Variants in RP1 observed in about 807,000 individuals in gnomAD.
The protein encoded by RP1 is oxygen-regulated protein 1.
In RP1, 16 loss-of-function variants were observed where a neutral mutation model predicts 14.8. The ratio of observed to expected loss-of-function variants is 1.08; its 90% CI spans 0.73 to 1.65. RP1 has a LOEUF of 1.65. Ranked by LOEUF, RP1 falls within the 40% of genes most tolerant of loss-of-function variation. The pLI, the probability that RP1 is intolerant of heterozygous loss-of-function variation, is 0.00. For synonymous variants in RP1, 876 were observed against 883.6 expected, an observed-to-expected ratio of 0.99 and a Z score of 0.15; for missense variants, 2,631 against 2,535.0, an observed-to-expected ratio of 1.04 and a Z score of -0.81.
At chr8:54,717,511 G>T (rs958248002) in intron 15 of RP1, among the ~76,000 whole-genome samples, 1 of 152,078 alleles carries the variant, frequency 6.6e-6, no homozygotes, top group South Asian at 2.1e-4. Flanking sequence ...TAGATCATGT[G>T]GATTACTGAA....
chr8:54,812,811 C>CTATCTA (rs1563383947), intron 24 of RP1, among the ~76,000 whole-genome samples: 27 of 113,432 alleles, frequency 2.4e-4, no homozygotes, highest in African/African-American at 7.8e-4. Flanking sequence ...CTATCTATCT[C>CTATCTA]TCCGTCTTCT....
intron 8 of RP1, among the ~76,000 whole-genome samples, chr8:54,675,079 T>C (rs907728694): frequency 6.6e-6 from 1 of 152,148 alleles, no homozygotes; most frequent in Non-Finnish European, 1.5e-5. Context: ...AAGGCAATAA[T>C]TTTCAACCTA....
chr8:54,744,161 T>C (rs1251780776), intron 19 of RP1, among the ~76,000 whole-genome samples: 2 of 152,194 alleles, frequency 1.3e-5, no homozygotes, highest in Admixed American at 6.5e-5. Flanking sequence ...GTTTGAGGCA[T>C]TTGGGGTTTG....
At chr8:54,790,833 G>C (rs150057704) in intron 24 of RP1, among the ~76,000 whole-genome samples, 6 of 152,066 alleles carry the variant, frequency 3.9e-5, no homozygotes, top group African/African-American at 1.4e-4. Context: ...TTTAAAAAGC[G>C]AAGAAAGGTT....
At chr8:54,755,650 G>A (rs1468308267) in exon 21 of RP1, 7 of 1,536,008 alleles carry the variant, frequency 4.6e-6, no homozygotes, top group Non-Finnish European at 5.2e-6. Flanking sequence ...TCTACACTGG[G>A]CAGCTGAAGC....
At chr8:54,820,300 T>G (rs1485035728) in intron 24 of RP1, among the ~76,000 whole-genome samples, 1 of 152,152 alleles carries the variant, frequency 6.6e-6, no homozygotes, top group African/African-American at 2.4e-5. Context: ...TGTGTTGCAC[T>G]GGGTTGTATA....
At chr8:54,632,277 C>A (rs1200996548), downstream of RP1, among the ~76,000 whole-genome samples, 1 of 151,972 alleles carries the variant, frequency 6.6e-6, no homozygotes, top group Non-Finnish European at 1.5e-5. Flanking sequence ...TTATAAAAAC[C>A]AGGAGGTTTC....
At chr8:54,735,408 C>T (rs1808894517) in intron 18 of RP1, among the ~76,000 whole-genome samples, 1 of 152,160 alleles carries the variant, frequency 6.6e-6, no homozygotes, top group Non-Finnish European at 1.5e-5. Flanking sequence ...ACCCTTCCAG[C>T]CCCACTGCCT....
chr8:54,774,236 C>G (rs1249240928), downstream of RP1, among the ~76,000 whole-genome samples: 2 of 152,104 alleles, frequency 1.3e-5, no homozygotes, highest in African/African-American at 4.8e-5. Flanking sequence ...CTCATTTCCT[C>G]CACAGGAAGA....
At position 54,630,343 on chromosome 8, in the gene RP1, A is replaced by G. The variant is rs973168352; in HGVS notation, c.6461A>G (p.Glu2154Gly). Residue 2154 changes from glutamate (E) to glycine (G), a missense_variant, in exon 4 of 4, where the codon GAA (glutamate) becomes GGA (glycine). Glu to Gly is a moderately conservative substitution (Grantham distance 98). Transcript: ENST00000220676. ...GATCTTGAAAGCAGTAGAGAACAAG[A>G]AGATTTATAATTTCAATATCAGCAC... ...LTDLESSREQEDL is the reference protein window; with the variant it reads ...LTDLESSREQGDL The G allele has an allele frequency of 5.0e-6, 8 of 1,613,684 alleles. No individual in the cohort carries two copies. The highest frequency in any genetic ancestry group is 1.1e-5 in the South Asian group (1 of 91,050).
intron 1 of RP1, among the ~76,000 whole-genome samples, chr8:54,573,610 CA>C (rs540981313): frequency 6.6e-6 from 1 of 151,542 alleles, no homozygotes; most frequent in East Asian, 1.9e-4. Context: ...TTCCGTTTTG[CA>C]AAAAAAGGTA....
chr8:54,745,635 T>C (rs1809203847), intron 19 of RP1, among the ~76,000 whole-genome samples: 1 of 151,924 alleles, frequency 6.6e-6, no homozygotes, highest in Admixed American at 6.6e-5. Context: ...TAAAACAAAA[T>C]GCTGAATATT....
chr8:54,762,061 G>A (rs771838117), intron 22 of RP1, among the ~76,000 whole-genome samples: 3 of 152,308 alleles, frequency 2.0e-5, no homozygotes, highest in South Asian at 2.1e-4. Flanking sequence ...ATGGGTGCAC[G>A]CAGGAGCTGG....
chr8:54,661,733 C>G (rs770971594), intron 6 of RP1, among the ~76,000 whole-genome samples: 1 of 152,206 alleles, frequency 6.6e-6, no homozygotes, highest in East Asian at 1.9e-4. Context: ...TGGTACTTCA[C>G]GCCCATGAAT....
chr8:54,848,594 C>G (rs1241589213), intron 25 of RP1, among the ~76,000 whole-genome samples: 1 of 152,064 alleles, frequency 6.6e-6, no homozygotes, highest in African/African-American at 2.4e-5. Context: ...CTGTATAGTA[C>G]AACTGTGTCA....
chr8:54,863,253 C>T (rs1420498922), intron 27 of RP1, among the ~76,000 whole-genome samples: 3 of 151,938 alleles, frequency 2.0e-5, no homozygotes, highest in African/African-American at 7.2e-5. Flanking sequence ...CATATACTTA[C>T]CATTGTGTGA....
At chr8:54,621,787 T>G (rs1438749552) in intron 2 of RP1, among the ~76,000 whole-genome samples, 1 of 152,126 alleles carries the variant, frequency 6.6e-6, no homozygotes, top group African/African-American at 2.4e-5. Context: ...TACCTACCCC[T>G]TTCTCTCTTC....
chr8:54,590,517 C>A (rs994643148), intron 1 of RP1, among the ~76,000 whole-genome samples: 6 of 152,190 alleles, frequency 3.9e-5, no homozygotes, highest in Non-Finnish European at 7.3e-5. Flanking sequence ...TCTCAGGACC[C>A]TTTCCTACCT....
downstream of RP1, among the ~76,000 whole-genome samples, chr8:54,632,674 A>T (rs1806271101): frequency 6.6e-6 from 1 of 152,182 alleles, no homozygotes; most frequent in Non-Finnish European, 1.5e-5. Flanking sequence ...TATTTTTTTT[A>T]GTTTTTTTAT....
Sources: gnomAD v4.1 joint callset for allele counts (sites outside exome capture counted in the v4.1 genomes callset) on GRCh38, gnomAD v4.1.1 for gene constraint, MANE v1.5 for transcripts, NCBI Gene and HGNC (gene_info 2026-07-23, HGNC 2026-07-21) for gene names.